ACIN1: variants seen among roughly 807,000 people sequenced by gnomAD.
ACIN1 encodes the protein apoptotic chromatin condensation inducer in the nucleus.
Under a neutral mutation model 146.6 loss-of-function variants are expected in ACIN1, and 16 were observed. The observed-to-expected ratio is 0.11, with a 90% CI of 0.07 to 0.17. The LOEUF (loss-of-function observed/expected upper bound fraction) is 0.17. Among genes scored for constraint, ACIN1 ranks in the 10% least tolerant of loss-of-function variants. The pLI is 1.00. For synonymous variants in ACIN1, 569 were observed against 582.7 expected, an observed-to-expected ratio of 0.98 and a Z score of 0.34; for missense variants, 1,357 against 1,609.3, an observed-to-expected ratio of 0.84 and a Z score of 2.68.
In ACIN1 at chr14:23,058,984, G is replaced by C. The variant is rs575221448; in HGVS notation, c.*164C>G. On this transcript the variant is annotated 3_prime_UTR_variant, in exon 19 of 19. Coordinates refer to ENST00000605057, the MANE Select transcript of ACIN1 (RefSeq NM_001386863.1). ...CCCAAGAGATAGGTTAAGGGGGTGT[G>C]TTTGGGGGGAAAAGGATGGCCACTT... 1 of 653,398 alleles carries C rather than the reference G, an allele frequency of 1.5e-6. No homozygotes were observed. The highest frequency in any genetic ancestry group is 2.7e-5 in the East Asian group (1 of 36,754). The allele number at this position is 653,398 out of a possible 1,614,324, so 40.5% of individuals were successfully genotyped here.
intron 4 of ACIN1, among the ~76,000 whole-genome samples, chr14:23,085,660 A>G (rs1254012908): frequency 1.3e-5 from 2 of 152,192 alleles, no homozygotes; most frequent in Non-Finnish European, 2.9e-5. Context: ...TTAGTCAGCA[A>G]TGCAAAATAT....
chr14:23,060,923 T>G (rs756417715), intron 18 of ACIN1, among the ~76,000 whole-genome samples, 161 bp downstream of exon 18: 1 of 152,218 alleles, frequency 6.6e-6, no homozygotes, highest in Non-Finnish European at 1.5e-5. Flanking sequence ...TTTCTCTATG[T>G]TATACCAATT....
At chr14:23,083,568 TAAAAATAC>T (rs939916891) in intron 4 of ACIN1, among the ~76,000 whole-genome samples, 8 of 151,710 alleles carry the variant, frequency 5.3e-5, no homozygotes, top group Non-Finnish European at 1.0e-4. Flanking sequence ...CTGTCTCTAC[TAAAAATAC>T]AAAAAATTAG....
chr14:23,069,258 C>T, intron 9 of ACIN1: 1 of 1,243,736 alleles, frequency 8.0e-7, no homozygotes, highest in Non-Finnish European at 1.0e-6. Flanking sequence ...GCACTACTTC[C>T]CCAACAAGGA....
chr14:23,095,138 C>G, upstream of ACIN1: 1 of 1,614,240 alleles, frequency 6.2e-7, no homozygotes, highest in South Asian at 1.1e-5. Context: ...CGGGTCCGTC[C>G]CGACGGCTTC....
intron 16 of ACIN1, among the ~76,000 whole-genome samples, chr14:23,061,922 T>A (rs566031104): frequency 2.2e-5 from 3 of 135,996 alleles, no homozygotes; most frequent in South Asian, 2.2e-4. Flanking sequence ...TGCAGTGAGC[T>A]GAGATCGCGC....
At chr14:23,075,202 C>T (rs1266029944) in intron 8 of ACIN1, among the ~76,000 whole-genome samples, 3 of 152,114 alleles carry the variant, frequency 2.0e-5, no homozygotes, top group African/African-American at 7.2e-5. Context: ...CCTAAAACTG[C>T]TATTGCCTGC....
At chr14:23,066,683 G>A (rs1003179635) in intron 9 of ACIN1, among the ~76,000 whole-genome samples, 1 of 152,184 alleles carries the variant, frequency 6.6e-6, no homozygotes, top group African/African-American at 2.4e-5. Flanking sequence ...TTTGATAAAG[G>A]AAGGTTTTTA....
upstream of ACIN1, chr14:23,095,177 C>T (rs752145244): frequency 3.1e-6 from 5 of 1,614,234 alleles, no homozygotes; most frequent in Middle Eastern, 3.3e-4. Context: ...CCGCCAACGC[C>T]CTTCGAACGT....
intron 13 of ACIN1, 37 bp downstream of exon 13, chr14:23,063,399 G>C (rs773871268): frequency 6.3e-7 from 1 of 1,597,974 alleles, no homozygotes; most frequent in South Asian, 1.1e-5. Flanking sequence ...AGAATTCAGG[G>C]AGCCGCATTA....
Position 23,067,745 on chromosome 14 carries a change from T to A in ACIN1, c.2265+1731A>T. 1.0e-6 allele frequency: 1 copy of A among 985,834 alleles called. No individual in the cohort carries two copies. 61.1% of individuals were successfully genotyped at this position (985,834 alleles called of 1,614,324 possible). A position where few individuals can be genotyped will look rare whatever the true frequency, so the allele number is the denominator to read the frequency against. ...GTCCACCAGTGGCAAGCTGCAGCAA[T>A]AACACCACCCAATACTTGGAATCCA... On this transcript the variant is annotated intron_variant, in intron 9 of 18. Transcript: ENST00000605057. The surrounding 1 kb of genome is among the most constrained non-coding windows in gnomAD (Gnocchi z 4.6).
chr14:23,065,890 T>G, intron 10 of ACIN1, 76 bp downstream of exon 10: 11 of 1,384,204 alleles, frequency 7.9e-6, no homozygotes, highest in Non-Finnish European at 1.1e-5. Flanking sequence ...CCATTGAGAA[T>G]GAAATTCTGG....
intron 4 of ACIN1, among the ~76,000 whole-genome samples, chr14:23,085,144 C>T (rs1203797024): frequency 6.6e-6 from 1 of 151,830 alleles, no homozygotes; most frequent in African/African-American, 2.4e-5. Flanking sequence ...AGATTAAGAC[C>T]ATGGTGAAAC....
intron 4 of ACIN1, among the ~76,000 whole-genome samples, chr14:23,087,139 T>G (rs749266646): frequency 6.6e-5 from 10 of 152,134 alleles, no homozygotes; most frequent in African/African-American, 1.4e-4. Context: ...AGCCAACAAA[T>G]AAGCTGCCAT....
intron 4 of ACIN1, among the ~76,000 whole-genome samples, chr14:23,086,922 C>A (rs2048104112): frequency 6.6e-6 from 1 of 152,176 alleles, no homozygotes; most frequent in Non-Finnish European, 1.5e-5. Flanking sequence ...GTCAACAGAA[C>A]CACTCAGGGA....
rs989426280 is a variant in ACIN1 at position 23,065,946 on chromosome 14, G to C, written c.2308+20C>G. On this transcript the variant is annotated intron_variant, in intron 10 of 18. Transcript: ENST00000605057. ...TTATGGTATTCCTGACTTTTATCAG[G>C]GATTTGGGGCTGGACTTACAGACAA... The C allele has an allele frequency of 6.2e-7, 1 of 1,610,888 alleles. No individual in the cohort carries two copies. The highest frequency in any genetic ancestry group is 8.5e-7 in the Non-Finnish European group (1 of 1,177,226).
upstream of ACIN1, chr14:23,095,146 T>C: frequency 1.2e-6 from 2 of 1,614,240 alleles, no homozygotes; most frequent in East Asian, 2.2e-5. Flanking sequence ...TCCCGACGGC[T>C]TCGGGCATCT....
chr14:23,063,546 T>C lies in ACIN1; in HGVS notation c.2627A>G (p.Gln876Arg), dbSNP rs1321170558. 21 of 1,614,070 alleles carry C rather than the reference T, an allele frequency of 1.3e-5. No homozygotes were observed. The highest frequency in any genetic ancestry group is 6.7e-5 in the Admixed American group (4 of 60,000). ...VVPAEGQENG[Q>R]REEEEEEKEP... ...CTTCTCTTCTTCCTCTTCTTCCCTC[T>C]GCCCATTCTCCTGGCCCTCTGCAGG... Residue 876 changes from glutamine (Q) to arginine (R), a missense_variant, in exon 13 of 19, where the codon CAG becomes CGG. Around this residue, in one of 4 missense-constraint regions of ACIN1, gnomAD observed 509 missense variants for 719.6 expected, o/e 0.71. Transcript: ENST00000605057.
rs2047179445 is a variant in ACIN1, at chr14:23,058,957, G to C, written c.*191C>G. On this transcript the variant is annotated 3_prime_UTR_variant, in exon 19 of 19. Transcript: ENST00000605057. Reference sequence around the variant, plus strand: ...GAAATGAGAGGGAGGGTCGGGCTAAGTCCCAAGAGATAGGTTAAGGGGGTG... The same window carrying C: ...GAAATGAGAGGGAGGGTCGGGCTAACTCCCAAGAGATAGGTTAAGGGGGTG... 2 of 597,020 alleles carry C rather than the reference G, an allele frequency of 3.3e-6. No homozygotes were observed. Among genetic ancestry groups the C allele is most frequent in the Non-Finnish European group, 5.9e-6 (2 of 339,140 alleles). 37.0% of individuals were successfully genotyped at this position (597,020 alleles called of 1,614,324 possible).
Sources: gnomAD v4.1 joint callset for allele counts (sites outside exome capture counted in the v4.1 genomes callset) on GRCh38, gnomAD v4.1.1 for gene constraint, gnomAD v4.1.1 regional missense constraint, Gnocchi (gnomAD v3.1) non-coding constraint, MANE v1.5 for transcripts, NCBI Gene and HGNC (gene_info 2026-07-23, HGNC 2026-07-21) for gene names.